CCDC171: variants seen among roughly 807,000 people sequenced by gnomAD.
CCDC171 encodes coiled-coil domain containing 171.
A neutral mutation model predicts 168.2 loss-of-function variants in CCDC171; 177 were observed. The ratio of observed to expected loss-of-function variants is 1.05; its 90% CI spans 0.93 to 1.19. The LOEUF (loss-of-function observed/expected upper bound fraction) is 1.19, where lower values mean the gene tolerates loss of function less well. Among genes scored for constraint, CCDC171 ranks in the 50% most tolerant of loss-of-function variants. The pLI is 0.00. For missense variants in CCDC171, 1,991 were observed against 1,539.0 expected, an observed-to-expected ratio of 1.29 and a Z score of -4.91; for synonymous variants, 687 against 540.8, an observed-to-expected ratio of 1.27 and a Z score of -3.75.
At chr9:15,791,089 T>G (rs951383411) in intron 21 of CCDC171, among the ~76,000 whole-genome samples, 3 of 152,210 alleles carry the variant, frequency 2.0e-5, no homozygotes, top group African/African-American at 4.8e-5. Context: ...GGCTCTTTTT[T>G]GGTTCCATAT....
intron 21 of CCDC171, among the ~76,000 whole-genome samples, chr9:15,808,803 C>G (rs1017747327): frequency 2.6e-5 from 4 of 152,124 alleles, no homozygotes; most frequent in African/African-American, 7.2e-5. Context: ...TTGCCTTAGT[C>G]TATTTGGGCT....
the CCDC171 span, among the ~76,000 whole-genome samples, chr9:16,082,547 A>G: frequency 6.6e-6 from 1 of 152,254 alleles, no homozygotes; most frequent in Admixed American, 6.5e-5. Flanking sequence ...AAAGCAAAGA[A>G]GGGCTAATTC....
At chr9:15,953,383 T>C (rs1410765373) in intron 25 of CCDC171, among the ~76,000 whole-genome samples, 1 of 152,180 alleles carries the variant, frequency 6.6e-6, no homozygotes, top group Non-Finnish European at 1.5e-5. Flanking sequence ...GAGTTTTAAA[T>C]TAGGAAGCAG....
intron 8 of CCDC171, among the ~76,000 whole-genome samples, chr9:15,659,205 T>G (rs2048144139): frequency 6.6e-6 from 1 of 152,188 alleles, no homozygotes; most frequent in Non-Finnish European, 1.5e-5. Context: ...AACAGATCCT[T>G]TCTTTATATT....
intron 5 of CCDC171, among the ~76,000 whole-genome samples, chr9:15,592,825 A>T (rs2042090322): frequency 6.6e-6 from 1 of 151,586 alleles, no homozygotes; most frequent in Non-Finnish European, 1.5e-5. Context: ...GCTACTTAGG[A>T]GAATTGTGGT....
the CCDC171 span, among the ~76,000 whole-genome samples, chr9:16,086,766 G>C: frequency 6.6e-6 from 1 of 152,064 alleles, no homozygotes; most frequent in African/African-American, 2.4e-5. Context: ...TTTTGAGTTT[G>C]TTTGCTCTTG....
chr9:15,625,544 G>T (rs1209771690), intron 7 of CCDC171, among the ~76,000 whole-genome samples: 2 of 152,170 alleles, frequency 1.3e-5, no homozygotes, highest in East Asian at 1.9e-4. Flanking sequence ...TGGCTAGCCA[G>T]TTTTCCCAGC....
intron 21 of CCDC171, among the ~76,000 whole-genome samples, chr9:15,807,923 C>T (rs1379661222): frequency 6.6e-6 from 1 of 151,528 alleles, no homozygotes; most frequent in African/African-American, 2.4e-5. Flanking sequence ...TGGCTCCTCT[C>T]ATTTCTTTCT....
downstream of CCDC171, among the ~76,000 whole-genome samples, chr9:15,978,753 G>A (rs745723232): frequency 1.5e-4 from 23 of 152,064 alleles, no homozygotes; most frequent in Admixed American, 3.9e-4. Context: ...TATAGTTCAC[G>A]TAACATACAA....
At chr9:15,829,955 T>G (rs2060163041) in intron 21 of CCDC171, among the ~76,000 whole-genome samples, 1 of 152,172 alleles carries the variant, frequency 6.6e-6, no homozygotes, top group Non-Finnish European at 1.5e-5. Flanking sequence ...ATATGGCATT[T>G]GCTATAATTA....
intron 21 of CCDC171, among the ~76,000 whole-genome samples, chr9:15,831,080 C>A (rs1380360838): frequency 6.6e-6 from 1 of 151,640 alleles, no homozygotes; most frequent in Non-Finnish European, 1.5e-5. Flanking sequence ...CACCATTCTC[C>A]TGCCTCAGCC....
chr9:15,560,161 T>A (rs1249677564), intron 1 of CCDC171, among the ~76,000 whole-genome samples: 1 of 152,146 alleles, frequency 6.6e-6, no homozygotes, highest in Non-Finnish European at 1.5e-5. Context: ...GCCCTTAATA[T>A]TTTTTCCTTC....
At chr9:15,686,231 C>G (rs957835713) in intron 10 of CCDC171, among the ~76,000 whole-genome samples, 10 of 152,214 alleles carry the variant, frequency 6.6e-5, no homozygotes, top group African/African-American at 2.2e-4. Flanking sequence ...CTTCAGTCAG[C>G]TGGCATAATA....
At chr9:16,108,096 G>A in the CCDC171 span, among the ~76,000 whole-genome samples, 77 of 152,284 alleles carry the variant, frequency 5.1e-4, no homozygotes, top group East Asian at 0.013. Flanking sequence ...TTCAGAAGCC[G>A]GAAGAAAGTG....
At chr9:16,055,933 C>T (rs776794362) in intron 1 of CCDC171, among the ~76,000 whole-genome samples, 5 of 152,292 alleles carry the variant, frequency 3.3e-5, no homozygotes, top group Non-Finnish European at 5.9e-5. Flanking sequence ...AAAATTCAAA[C>T]GTGTACCCTC....
chr9:15,907,544 C>G (rs548696470), intron 24 of CCDC171, among the ~76,000 whole-genome samples: 2 of 152,164 alleles, frequency 1.3e-5, no homozygotes, highest in Non-Finnish European at 2.9e-5. Flanking sequence ...AGATTTAAAA[C>G]CATAAAAACC....
intron 1 of CCDC171, among the ~76,000 whole-genome samples, chr9:16,051,906 G>A (rs1377729795): frequency 2.0e-5 from 3 of 152,182 alleles, no homozygotes; most frequent in African/African-American, 4.8e-5. Flanking sequence ...GGAGGAAGTC[G>A]AATGAGGAGC....
intron 6 of CCDC171, among the ~76,000 whole-genome samples, chr9:15,595,971 C>T (rs1224855132): frequency 6.6e-6 from 1 of 152,124 alleles, no homozygotes; most frequent in East Asian, 1.9e-4. Context: ...TGTTCATATC[C>T]TTCGCCCACT....
intron 3 of CCDC171, among the ~76,000 whole-genome samples, chr9:16,012,440 C>G (rs1184908892): frequency 1.3e-5 from 2 of 152,126 alleles, no homozygotes; most frequent in African/African-American, 2.4e-5. Flanking sequence ...AATTCATCAT[C>G]TGGGCCTCTT....
Sources: gnomAD v4.1 joint callset for allele counts (sites outside exome capture counted in the v4.1 genomes callset) on GRCh38, gnomAD v4.1.1 for gene constraint, MANE v1.5 for transcripts, NCBI Gene and HGNC (gene_info 2026-07-23, HGNC 2026-07-21) for gene names.